The following SLCO5A1 variants were observed in gnomAD, a reference collection of about 807,000 sequenced individuals.
SLCO5A1 encodes organic anion transporter polypeptide-related protein 4.
In SLCO5A1, 39 loss-of-function variants were observed where a neutral mutation model predicts 65.1. The ratio of observed to expected loss-of-function variants is 0.60; its 90% confidence interval spans 0.46 to 0.78. SLCO5A1 has a LOEUF of 0.78. Ranked by LOEUF, SLCO5A1 falls within the 30% of genes least tolerant of loss-of-function variation. The probability of loss-of-function intolerance (pLI) is 0.00; values close to 1 mark genes in which losing one functional copy is unlikely to be tolerated. For missense variants in SLCO5A1, 1,029 were observed against 1,069.4 expected, an observed-to-expected ratio of 0.96 and a Z score of 0.53; for synonymous variants, 438 against 415.7, an observed-to-expected ratio of 1.05 and a Z score of -0.65.
rs775024156 is a variant in SLCO5A1 at position 69,832,806 on chromosome 8, G to C, written c.-133C>G. ...GGACTGGGGCTGGGGGCGCAGGGCC[G>C]CGCAGCAGGGCATCCTCACCAGCTG... On this transcript the variant is annotated 5_prime_UTR_variant, in exon 2 of 10. Transcript: ENST00000260126. This position sits in a 1 kb window ranked among gnomAD's most constrained non-coding sequence, Gnocchi z 4.5. 1 of 1,012,830 alleles carries C rather than the reference G, an allele frequency of 9.9e-7. No individual in the cohort carries two copies. The highest frequency in any genetic ancestry group is 1.4e-6 in the Non-Finnish European group (1 of 712,396). 62.7% of individuals were successfully genotyped at this position (1,012,830 alleles called of 1,614,324 possible). A position where few individuals can be genotyped will look rare whatever the true frequency, so the allele number is the denominator to read the frequency against.
chr8:69,688,332 A>AT (rs55649598), intron 6 of SLCO5A1, among the ~76,000 whole-genome samples: 7 of 150,738 alleles, frequency 4.6e-5, no homozygotes, highest in Admixed American at 1.3e-4. Flanking sequence ...TGGTGCTAAA[A>AT]TTTTTTTTTT....
Position 69,833,015 on chromosome 8 carries a change from G to A in SLCO5A1, c.-342C>T. 3.2e-6 allele frequency: 1 copy of A among 314,152 alleles called. No homozygotes were observed. The highest frequency in any genetic ancestry group is 5.6e-6 in the Non-Finnish European group (1 of 177,396). The allele number at this position is 314,152 out of a possible 1,614,324, so 19.5% of individuals were successfully genotyped here. On this transcript the variant is annotated 5_prime_UTR_variant, in exon 2 of 10. Transcript: ENST00000260126. ...CCCCTCCGCCGCCGCCGCCGCCGCC[G>A]CCGCTGGGCCCGCGGCCAGGAGCGA...
chr8:69,678,874 T>G lies in SLCO5A1; in HGVS notation c.2024+504A>C, dbSNP rs1417639743. Reference sequence around the variant, plus strand: ...GACTCAACTCTGAAATTTTATATGATAGTAAAATTAATGAACTCAGCATTT... The same window carrying G: ...GACTCAACTCTGAAATTTTATATGAGAGTAAAATTAATGAACTCAGCATTT... On this transcript the variant is annotated intron_variant, in intron 8 of 9. Transcript: ENST00000260126. Among the ~76,000 whole-genome samples the G allele has an allele frequency of 2.0e-5, 3 of 151,626 alleles. No individual in the cohort carries two copies. In the South Asian group the frequency reaches 6.3e-4, roughly 32 times the overall value.
intron 9 of SLCO5A1, among the ~76,000 whole-genome samples, chr8:69,674,649 G>A (rs1422177608): frequency 3.3e-5 from 5 of 151,962 alleles, no homozygotes; most frequent in Admixed American, 6.6e-5. Context: ...TACATCTGTT[G>A]ACTCACCTTT....
chr8:69,747,678 G>A (rs1043010499), intron 4 of SLCO5A1, among the ~76,000 whole-genome samples: 2 of 152,122 alleles, frequency 1.3e-5, no homozygotes, highest in East Asian at 1.9e-4. Flanking sequence ...CCCATCCCCC[G>A]TGGATACCAA....
At chr8:69,700,725 C>T (rs1814696986) in intron 6 of SLCO5A1, among the ~76,000 whole-genome samples, 1 of 151,670 alleles carries the variant, frequency 6.6e-6, no homozygotes, top group African/African-American at 2.4e-5. Context: ...AATTAGATGA[C>T]AATGGGGCAA....
At chr8:69,810,595 A>T (rs1198537412) in intron 2 of SLCO5A1, among the ~76,000 whole-genome samples, 1 of 152,190 alleles carries the variant, frequency 6.6e-6, no homozygotes, top group Non-Finnish European at 1.5e-5. Flanking sequence ...TTCAGGCAAA[A>T]TATTTTATAA....
chr8:69,718,119 T>C (rs568409415), intron 5 of SLCO5A1, among the ~76,000 whole-genome samples: 179 of 152,220 alleles, frequency 1.2e-3, no homozygotes, highest in Non-Finnish European at 1.2e-3. Context: ...TTTTGTTAAA[T>C]CTGCTCCTAA....
intron 3 of SLCO5A1, among the ~76,000 whole-genome samples, chr8:69,758,898 A>T (rs7815508): frequency 0.035 from 5,285 of 152,270 alleles, 195 homozygotes; most frequent in African/African-American, 0.087. Flanking sequence ...CAGTTAAGAG[A>T]GTGAACTGAG....
intron 5 of SLCO5A1, among the ~76,000 whole-genome samples, chr8:69,728,316 T>C (rs373764462): frequency 6.6e-6 from 1 of 152,100 alleles, no homozygotes; most frequent in Non-Finnish European, 1.5e-5. Context: ...AGGAAGAGAA[T>C]TGGAAGAAAC....
intron 4 of SLCO5A1, among the ~76,000 whole-genome samples, chr8:69,739,765 C>A (rs1230997288): frequency 6.6e-6 from 1 of 151,852 alleles, no homozygotes; most frequent in African/African-American, 2.4e-5. Flanking sequence ...GATAAACACA[C>A]CAGAGAAAAA....
chr8:69,697,329 G>T (rs899516791), intron 6 of SLCO5A1, among the ~76,000 whole-genome samples: 15 of 152,156 alleles, frequency 9.9e-5, no homozygotes, highest in Non-Finnish European at 1.9e-4. Flanking sequence ...GGTGGAGGTT[G>T]CAGTGAGCCG....
At chr8:69,735,677 G>T (rs192085527) in intron 5 of SLCO5A1, among the ~76,000 whole-genome samples, 5 of 152,198 alleles carry the variant, frequency 3.3e-5, no homozygotes, top group African/African-American at 9.6e-5. Context: ...GTGGGATTGA[G>T]GGGAGAAAGA....
intron 2 of SLCO5A1, among the ~76,000 whole-genome samples, chr8:69,763,089 C>G (rs1390153298): frequency 6.6e-6 from 1 of 152,216 alleles, no homozygotes; most frequent in African/African-American, 2.4e-5. Flanking sequence ...GCTGGTGGAT[C>G]ACCTGAGGTC....
At chr8:69,679,682 T>C (rs1490386957) in intron 7 of SLCO5A1, 63 bp from the exon 8 acceptor site, 3 of 1,581,322 alleles carry the variant, frequency 1.9e-6, no homozygotes, top group Admixed American at 3.6e-5. Context: ...CATAAGAATA[T>C]TAAGACAAAG....
chr8:69,705,219 G>A lies in SLCO5A1; in HGVS notation c.1434C>T (p.Ile478=), dbSNP rs756829489. 21 of 1,613,850 alleles carry A rather than the reference G, an allele frequency of 1.3e-5. No individual in the cohort carries two copies. Among genetic ancestry groups the A allele is most frequent in the Non-Finnish European group, 1.6e-5 (19 of 1,179,916 alleles). Residue 478 remains isoleucine (I), a synonymous_variant, in exon 6 of 10, where the codon ATC becomes ATT. Transcript: ENST00000260126. ...CAATACCAACACCAGCACTGGGGAC[G>A]ATAATAACCCCTGGGGAGAAGAGAA... ...SNASIYTGVI[I]VPSAGVGIVL...
intron 6 of SLCO5A1, among the ~76,000 whole-genome samples, chr8:69,704,164 A>C (rs1349306699): frequency 6.6e-6 from 1 of 152,154 alleles, no homozygotes. Flanking sequence ...GCCTCCCCCA[A>C]GTGCTGGGGT....
chr8:69,735,661 T>C (rs1014372033), intron 5 of SLCO5A1, among the ~76,000 whole-genome samples: 2 of 151,754 alleles, frequency 1.3e-5, no homozygotes, highest in Admixed American at 6.6e-5. Context: ...CACACTGGGG[T>C]CTGTTGTGGG....
chr8:69,828,560 C>T (rs1281851033), intron 2 of SLCO5A1, among the ~76,000 whole-genome samples: 1 of 151,740 alleles, frequency 6.6e-6, no homozygotes, highest in African/African-American at 2.4e-5. Context: ...CGAGACCGCT[C>T]CACTGCACTC....
Sources: allele counts gnomAD v4.1 joint callset (sites outside exome capture counted in the v4.1 genomes callset), GRCh38; gene constraint gnomAD v4.1.1; non-coding constraint Gnocchi (gnomAD v3.1); transcripts MANE v1.5; gene names NCBI Gene and HGNC (gene_info 2026-07-23, HGNC 2026-07-21).